CRTC3: variants seen among roughly 807,000 people sequenced by gnomAD.
CRTC3 encodes the protein CREB-regulated transcription coactivator 3.
In CRTC3, 26 loss-of-function variants were observed where a neutral mutation model predicts 74.5. That is an observed-to-expected ratio of 0.35 (90% CI 0.26 to 0.48). The LOEUF is 0.48. Among genes scored for constraint, CRTC3 ranks in the 20% least tolerant of loss-of-function variants. The pLI is 0.99. For missense variants in CRTC3, 760 were observed against 787.3 expected (o/e 0.97, Z 0.41); for synonymous variants, 377 against 325.8 (o/e 1.16, Z -1.69).
chr15:90,624,229 C>A (rs1968749360), intron 9 of CRTC3, among the ~76,000 whole-genome samples: 1 of 152,050 alleles, frequency 6.6e-6, no homozygotes, highest in African/African-American at 2.4e-5. Flanking sequence ...CTCCCGCATT[C>A]TCCTCCGCGT....
intron 2 of CRTC3, among the ~76,000 whole-genome samples, chr15:90,578,230 A>G (rs1439999963): frequency 4.6e-5 from 7 of 152,036 alleles, no homozygotes; most frequent in African/African-American, 1.7e-4. Flanking sequence ...TGTATTTATT[A>G]CCACTGAACT....
In CRTC3 at chr15:90,575,204, A is replaced by C. The variant is rs1356878343; in HGVS notation, c.232-18432A>C. On this transcript the variant is annotated intron_variant, in intron 2 of 14. Transcript: ENST00000268184. ...CGTCTCTGCTAAAAATATAAAAATT[A>C]GATGGGCGTTGTGGCAGGTGCCTGC... Among the ~76,000 whole-genome samples, 3 of 152,322 alleles carry C rather than the reference A, an allele frequency of 2.0e-5. No homozygotes were observed. In the East Asian group the frequency reaches 5.8e-4, roughly 29 times the overall value.
intron 4 of CRTC3, among the ~76,000 whole-genome samples, chr15:90,603,240 G>A (rs369018741): frequency 3.1e-4 from 47 of 150,848 alleles, no homozygotes; most frequent in Admixed American, 1.9e-3. Context: ...TCAGGAGATC[G>A]AGACCATCCT....
intron 11 of CRTC3, among the ~76,000 whole-genome samples, chr15:90,631,453 G>A (rs1370916766): frequency 6.6e-6 from 1 of 151,958 alleles, no homozygotes; most frequent in Non-Finnish European, 1.5e-5. Flanking sequence ...CCCTGGGCTG[G>A]GTGTGTGCCT....
At chr15:90,604,488 A>G in intron 5 of CRTC3, 41 bp downstream of exon 5, 1 of 1,431,120 alleles carries the variant, frequency 7.0e-7, no homozygotes, top group Non-Finnish European at 9.9e-7. Flanking sequence ...TTTTAAAGCA[A>G]TTTAACTGTC....
rs762208001 is a variant in CRTC3, at chr15:90,645,043, C to A, written c.*2903C>A. The A allele has an allele frequency of 4.3e-6, 1 of 231,682 alleles. No homozygotes were observed. 14.4% of individuals were successfully genotyped at this position (231,682 alleles called of 1,614,324 possible). ...TCCTGTTTCATTTCTCCTCCGCCTG[C>A]TGTATATTACCTGAGCTGGTGTTGT... On this transcript the variant is annotated 3_prime_UTR_variant, in exon 15 of 15. Transcript: ENST00000268184.
At position 90,530,311 on chromosome 15, in the gene CRTC3, C is replaced by A; in HGVS notation, c.132+108C>A. On this transcript the variant is annotated intron_variant, in intron 1 of 14. Coordinates refer to ENST00000268184, the MANE Select transcript of CRTC3 (RefSeq NM_022769.5). This position sits in a 1 kb window ranked among gnomAD's most constrained non-coding sequence, Gnocchi z 6.2. ...GGCGATGGCGGGGCCGGGCGGGGGC[C>A]GCGCCCGGGAACCGGCGGCTGGGAG... 1 of 657,574 alleles carries A rather than the reference C, an allele frequency of 1.5e-6. No individual in the cohort carries two copies. Among genetic ancestry groups the A allele is most frequent in the Non-Finnish European group, 1.9e-6 (1 of 530,296 alleles). 40.7% of individuals were successfully genotyped at this position (657,574 alleles called of 1,614,324 possible).
chr15:90,641,136 T>G lies in CRTC3; in HGVS notation c.1588T>G (p.Ser530Ala). 1 of 1,614,090 alleles carries G rather than the reference T, an allele frequency of 6.2e-7. No homozygotes were observed. The highest frequency in any genetic ancestry group is 8.5e-7 in the Non-Finnish European group (1 of 1,179,980). ...VQQGSRELQD[S>A]FHLRPSPYSN... is the part of the protein sequence containing the mutation. Reference sequence around the variant, plus strand: ...ACAAGGTTCCCGAGAACTGCAGGACTCTTTTCATTTGAGACCAAGCCCGTA... The same window carrying G: ...ACAAGGTTCCCGAGAACTGCAGGACGCTTTTCATTTGAGACCAAGCCCGTA... The change falls in exon 14 of 15, where the codon TCT becomes GCT. Residue 530 changes from serine to alanine, a missense_variant. Physicochemically the swap from Ser to Ala is moderately conservative, Grantham distance 99. Coordinates refer to ENST00000268184, the MANE Select transcript of CRTC3 (RefSeq NM_022769.5).
intron 2 of CRTC3, among the ~76,000 whole-genome samples, chr15:90,589,230 T>C (rs1967741042): frequency 6.6e-6 from 1 of 152,038 alleles, no homozygotes; most frequent in African/African-American, 2.4e-5. Flanking sequence ...CTAATTTTTC[T>C]ATTTTTAGTA....
chr15:90,534,577 G>GTTGGTTT (rs1966686704), intron 1 of CRTC3, among the ~76,000 whole-genome samples: 1 of 152,004 alleles, frequency 6.6e-6, no homozygotes, highest in Non-Finnish European at 1.5e-5. Flanking sequence ...TTGGTTGGTT[G>GTTGGTTT]GTTTTAATTA....
chr15:90,610,941 A>G (rs139567515), intron 6 of CRTC3, among the ~76,000 whole-genome samples: 6 of 152,322 alleles, frequency 3.9e-5, no homozygotes, highest in African/African-American at 1.4e-4. Flanking sequence ...CACAGTACTC[A>G]GCTCCTTAGC....
intron 2 of CRTC3, among the ~76,000 whole-genome samples, chr15:90,560,594 A>G (rs1421938255): frequency 5.3e-5 from 8 of 152,216 alleles, no homozygotes; most frequent in Non-Finnish European, 4.4e-5. Context: ...CACATAATTC[A>G]TATGGTCAAA....
At position 90,644,571 on chromosome 15, in the gene CRTC3, G is replaced by A. The variant is rs1021405263; in HGVS notation, c.*2431G>A. 1 of 232,754 alleles carries A rather than the reference G, an allele frequency of 4.3e-6. No homozygotes were observed. The highest frequency in any genetic ancestry group is 5.6e-5 in the Admixed American group (1 of 17,742). 14.4% of individuals were successfully genotyped at this position (232,754 alleles called of 1,614,324 possible). On this transcript the variant is annotated 3_prime_UTR_variant, in exon 15 of 15. Coordinates refer to ENST00000268184, the MANE Select transcript of CRTC3 (RefSeq NM_022769.5). ...CAGACCTCCGGGGAAGTGATTTATT[G>A]GGGGTGTACACTGGGGGCAATATGG...
chr15:90,629,354 C>T lies in CRTC3; in HGVS notation c.1088C>T (p.Ser363Leu), dbSNP rs375397418. The T allele has an allele frequency of 2.7e-5, 44 of 1,614,140 alleles. No individual in the cohort carries two copies. The highest frequency in any genetic ancestry group is 3.3e-5 in the Admixed American group (2 of 60,010). ...SVPNASALHP[S>L]LRLFSLSNPS... ...CCCAACGCATCTGCTCTTCACCCTTCGCTCCGTCTGTTTTCCCTTAGCAAC... is the reference window on the plus strand; with the variant it reads ...CCCAACGCATCTGCTCTTCACCCTTTGCTCCGTCTGTTTTCCCTTAGCAAC... The change falls in exon 11 of 15, where the codon TCG (serine) becomes TTG (leucine). Residue 363 changes from serine to leucine, a missense_variant. Ser to Leu is a moderately radical substitution (Grantham distance 145). This residue lies in a region of CRTC3 where 652 missense variants were observed against 635.2 expected (regional missense o/e 1.03). Transcript: ENST00000268184.
chr15:90,611,327 T>G (rs1968351748), intron 6 of CRTC3, among the ~76,000 whole-genome samples: 1 of 152,152 alleles, frequency 6.6e-6, no homozygotes, highest in Non-Finnish European at 1.5e-5. Context: ...GTTCCCTTAG[T>G]TAGAAGAGAC....
chr15:90,626,214 T>C (rs767693140), intron 10 of CRTC3, among the ~76,000 whole-genome samples: 9 of 152,236 alleles, frequency 5.9e-5, no homozygotes, highest in Non-Finnish European at 1.3e-4. Flanking sequence ...TCATTCCTTA[T>C]CATCCTCACT....
intron 2 of CRTC3, among the ~76,000 whole-genome samples, chr15:90,592,648 G>A (rs988514287): frequency 6.6e-6 from 1 of 152,204 alleles, no homozygotes; most frequent in Middle Eastern, 3.2e-3. Context: ...TTTAGGGACT[G>A]ATGATTTGTA....
chr15:90,624,334 A>G (rs909982788), intron 9 of CRTC3, among the ~76,000 whole-genome samples: 5 of 151,836 alleles, frequency 3.3e-5, no homozygotes, highest in Admixed American at 6.6e-5. Flanking sequence ...TGCTGAGGCC[A>G]TCCTCCACAC....
intron 9 of CRTC3, among the ~76,000 whole-genome samples, chr15:90,624,076 C>T (rs1001202851): frequency 2.6e-5 from 4 of 152,222 alleles, no homozygotes; most frequent in South Asian, 4.1e-4. Flanking sequence ...ATTATGTTGC[C>T]GGTTATGCTC....
Sources: allele counts gnomAD v4.1 joint callset (sites outside exome capture counted in the v4.1 genomes callset), GRCh38; gene constraint gnomAD v4.1.1; regional missense constraint gnomAD v4.1.1; non-coding constraint Gnocchi (gnomAD v3.1); transcripts MANE v1.5; gene names NCBI Gene and HGNC (gene_info 2026-07-23, HGNC 2026-07-21).